CPLX2: variants seen among roughly 807,000 people sequenced by gnomAD.
The protein encoded by CPLX2 is complexin-2.
Under a neutral mutation model 16.3 loss-of-function variants are expected in CPLX2, and 5 were observed. That is an observed-to-expected ratio of 0.31 (90% CI 0.16 to 0.64). The LOEUF (loss-of-function observed/expected upper bound fraction) is 0.64. CPLX2 is among the 30% of genes least tolerant of loss of function. The pLI, the probability that CPLX2 is intolerant of heterozygous loss-of-function variation, is 0.79. For synonymous variants in CPLX2, 89 were observed against 73.2 expected (o/e 1.22, Z -1.10); for missense variants, 144 against 181.4 (o/e 0.79, Z 1.18).
intron 1 of CPLX2, among the ~76,000 whole-genome samples, chr5:175,799,597 C>G (rs1758055676): frequency 1.5e-5 from 2 of 132,866 alleles, no homozygotes; most frequent in Admixed American, 1.5e-4. Flanking sequence ...CTTACTGTAT[C>G]CTCAAACTCC....
chr5:175,827,903 G>C (rs968099071), intron 2 of CPLX2, among the ~76,000 whole-genome samples: 1 of 152,158 alleles, frequency 6.6e-6, no homozygotes, highest in Non-Finnish European at 1.5e-5. Flanking sequence ...CCTGCCTATC[G>C]AGGGTGATAG....
intron 2 of CPLX2, among the ~76,000 whole-genome samples, chr5:175,835,692 T>C (rs1368119119): frequency 6.6e-6 from 1 of 151,352 alleles, no homozygotes; most frequent in Admixed American, 6.6e-5. Flanking sequence ...GAAGTCTTTG[T>C]TGTAAGTGGT....
intron 2 of CPLX2, among the ~76,000 whole-genome samples, chr5:175,812,545 A>C (rs1758331310): frequency 6.6e-6 from 1 of 152,254 alleles, no homozygotes. Context: ...GGCAAAATGG[A>C]AAATTTCAAG....
chr5:175,813,754 A>C (rs1225620430), intron 2 of CPLX2, among the ~76,000 whole-genome samples: 2 of 152,214 alleles, frequency 1.3e-5, no homozygotes, highest in East Asian at 3.9e-4. Flanking sequence ...ATTAAATAGC[A>C]CTGGGAGAGA....
At chr5:175,855,817 A>G (rs1759243988) in intron 2 of CPLX2, among the ~76,000 whole-genome samples, 1 of 152,204 alleles carries the variant, frequency 6.6e-6, no homozygotes. Context: ...GAGGGAAAGG[A>G]GATTCAATTC....
Position 175,874,313 on chromosome 5 carries a change from T to G in CPLX2, c.-89+2608T>G, listed in dbSNP as rs559900434. Reference sequence around the variant, plus strand: ...ATTGCAAAGCTACAGCGTCTGGACTTCTCCCTGGAATTCTCCCTCGGCACC... The same window carrying G: ...ATTGCAAAGCTACAGCGTCTGGACTGCTCCCTGGAATTCTCCCTCGGCACC... On this transcript the variant is annotated intron_variant, in intron 1 of 3. Coordinates refer to ENST00000393745, the MANE Select transcript of CPLX2 (RefSeq NM_001008220.2). 3.9e-5 allele frequency among the ~76,000 whole-genome samples: 6 copies of G among 152,158 alleles called. No homozygotes were observed. The South Asian group carries it at 1.0e-3, about 26-fold the overall frequency.
chr5:175,854,942 C>G (rs1167206667), intron 2 of CPLX2, among the ~76,000 whole-genome samples: 1 of 152,212 alleles, frequency 6.6e-6, no homozygotes, highest in Non-Finnish European at 1.5e-5. Flanking sequence ...CAGACGTCAT[C>G]TCTGCCTCTG....
At chr5:175,811,062 T>C (rs186925924) in intron 2 of CPLX2, among the ~76,000 whole-genome samples, 3 of 152,318 alleles carry the variant, frequency 2.0e-5, no homozygotes, top group Admixed American at 6.5e-5. Flanking sequence ...TTCTTTCACA[T>C]TGATTACTCT....
intron 1 of CPLX2, among the ~76,000 whole-genome samples, chr5:175,807,651 G>T (rs1179662596): frequency 3.3e-5 from 5 of 151,958 alleles, no homozygotes; most frequent in African/African-American, 1.2e-4. Context: ...GTTGTCACCA[G>T]CATTTAGAAC....
intron 2 of CPLX2, among the ~76,000 whole-genome samples, chr5:175,861,387 A>G (rs1759368020): frequency 6.6e-6 from 1 of 152,184 alleles, no homozygotes; most frequent in Non-Finnish European, 1.5e-5. Flanking sequence ...GTGGGAGAAG[A>G]GTTGAGGTAA....
rs1755495358 is a variant in CPLX2, at chr5:175,879,065, G to C, written c.189G>C (p.Arg63=). ...TGGAGGCGGAGCGGGAGAAGGTCCG[G>C]CAGCAGATCCGAGATAAGGTCAGCT... ...ARMEAEREKV[R]QQIRDKYGLK... Residue 63 remains arginine (R), a synonymous_variant, in exon 3 of 4, where the codon CGG becomes CGC. Transcript: ENST00000393745. 1.3e-6 allele frequency: 2 copies of C among 1,578,360 alleles called. No homozygotes were observed. Among genetic ancestry groups the C allele is most frequent in the Non-Finnish European group, 1.7e-6 (2 of 1,162,734 alleles).
chr5:175,836,818 G>A (rs978455194), intron 2 of CPLX2, among the ~76,000 whole-genome samples: 23 of 152,332 alleles, frequency 1.5e-4, no homozygotes, highest in Non-Finnish European at 2.1e-4. Context: ...AGCAGCCATC[G>A]TCCCAGCTGA....
intron 1 of CPLX2, among the ~76,000 whole-genome samples, chr5:175,877,127 G>C (rs1242122161): frequency 6.6e-6 from 1 of 152,072 alleles, no homozygotes; most frequent in East Asian, 1.9e-4. Context: ...GCAAACTGAA[G>C]CTTGCCCAGG....
At chr5:175,837,351 G>T (rs1561779120) in intron 2 of CPLX2, among the ~76,000 whole-genome samples, 1 of 152,214 alleles carries the variant, frequency 6.6e-6, no homozygotes, top group Non-Finnish European at 1.5e-5. Context: ...TTCACCTGGA[G>T]CCAAGGCCAT....
intron 1 of CPLX2, among the ~76,000 whole-genome samples, chr5:175,802,027 G>A (rs930097329): frequency 2.9e-4 from 44 of 152,214 alleles, no homozygotes; most frequent in Admixed American, 2.0e-4. Flanking sequence ...GTTAACATCT[G>A]TAGGAGAACA....
In CPLX2 at chr5:175,872,492, G is replaced by A. The variant is rs1212121595; in HGVS notation, c.-89+787G>A. On this transcript the variant is annotated intron_variant, in intron 1 of 3. Transcript: ENST00000393745. The surrounding 1 kb of genome is among the most constrained non-coding windows in gnomAD (Gnocchi z 5.0). Reference sequence around the variant, plus strand: ...AGGGGCGCTCTCCGTGGCCCACCGGGAGATCCAGGACAGAGCTGCTGGGGG... The same window carrying A: ...AGGGGCGCTCTCCGTGGCCCACCGGAAGATCCAGGACAGAGCTGCTGGGGG... Among the ~76,000 whole-genome samples the A allele has an allele frequency of 6.6e-6, 1 of 152,186 alleles. No individual in the cohort carries two copies. Among genetic ancestry groups the A allele is most frequent in the African/African-American group, 2.4e-5 (1 of 41,454 alleles).
intron 2 of CPLX2, among the ~76,000 whole-genome samples, chr5:175,823,998 G>A (rs1758560795): frequency 6.6e-6 from 1 of 152,142 alleles, no homozygotes; most frequent in Non-Finnish European, 1.5e-5. Context: ...GCTTGCTGGG[G>A]AGGAGAGGAT....
chr5:175,874,307 T>C (rs1298035183), intron 1 of CPLX2, among the ~76,000 whole-genome samples: 1 of 152,192 alleles, frequency 6.6e-6, no homozygotes, highest in Non-Finnish European at 1.5e-5. Flanking sequence ...CTACAGCGTC[T>C]GGACTTCTCC....
chr5:175,846,550 G>A (rs1160513776), intron 2 of CPLX2, among the ~76,000 whole-genome samples: 1 of 152,136 alleles, frequency 6.6e-6, no homozygotes, highest in Non-Finnish European at 1.5e-5. Context: ...CCCAGATACT[G>A]GGCATTTATT....
Sources: allele counts gnomAD v4.1 joint callset (sites outside exome capture counted in the v4.1 genomes callset), GRCh38; gene constraint gnomAD v4.1.1; non-coding constraint Gnocchi (gnomAD v3.1); transcripts MANE v1.5; gene names NCBI Gene and HGNC (gene_info 2026-07-23, HGNC 2026-07-21).